The following ZZEF1 variants were observed in gnomAD, a reference collection of about 807,000 sequenced individuals.
The protein encoded by ZZEF1 is zinc finger ZZ-type and EF-hand domain-containing protein 1.
In ZZEF1, 157 loss-of-function variants were observed where a neutral mutation model predicts 342.8. The ratio of observed to expected loss-of-function variants is 0.46; its 90% CI spans 0.40 to 0.52. ZZEF1 has a LOEUF of 0.52. ZZEF1 is among the 20% of genes least tolerant of loss of function. ZZEF1 has a pLI of 0.00. For missense variants in ZZEF1, 3,480 were observed against 3,725.6 expected, an observed-to-expected ratio of 0.93 and a Z score of 1.72; for synonymous variants, 1,505 against 1,429.1, an observed-to-expected ratio of 1.05 and a Z score of -1.20.
chr17:4,032,013 C>A, intron 42 of ZZEF1, 113 bp downstream of exon 42: 1 of 1,192,892 alleles, frequency 8.4e-7, no homozygotes, highest in Non-Finnish European at 1.2e-6. Flanking sequence ...ATAACTTGTT[C>A]TTTAAAAAAA....
intron 1 of ZZEF1, among the ~76,000 whole-genome samples, chr17:4,137,063 T>C (rs1451165487): frequency 1.3e-5 from 2 of 151,726 alleles, no homozygotes; most frequent in Non-Finnish European, 2.9e-5. Context: ...TAAAGAGCAC[T>C]GGGAGACAAG....
chr17:4,107,880 G>A (rs1412837298), intron 6 of ZZEF1, among the ~76,000 whole-genome samples: 1 of 152,148 alleles, frequency 6.6e-6, no homozygotes, highest in African/African-American at 2.4e-5. Flanking sequence ...CTAATGCAGG[G>A]AACATTCAAG....
chr17:4,064,338 C>A, intron 29 of ZZEF1, 23 bp downstream of exon 29: 3 of 1,541,314 alleles, frequency 1.9e-6, no homozygotes, highest in South Asian at 1.2e-5. Flanking sequence ...GAGAAAGCGA[C>A]AGGAAGGTAA....
rs1392698376 is a variant in ZZEF1, at chr17:4,086,586, C to T, written c.2412G>A (p.Leu804=). ...CAGAAGCAGCCAGTACATCTCCCTG[C>T]AGCACAGAGAAGCAGCTCTGGAGTA... ...LQLLQSCFSV[L]QGDVLAASEE... The change falls in exon 15 of 55, where the codon CTG becomes CTA. Residue 804 remains leucine, a synonymous_variant. Coordinates refer to ENST00000381638, the MANE Select transcript of ZZEF1 (RefSeq NM_015113.4). 1.2e-6 allele frequency: 2 copies of T among 1,614,106 alleles called. No individual in the cohort carries two copies. Among genetic ancestry groups the T allele is most frequent in the African/African-American group, 1.3e-5 (1 of 74,936 alleles).
At chr17:4,057,956 T>C (rs1292951494) in intron 32 of ZZEF1, 38 bp downstream of exon 32, 1 of 1,595,570 alleles carries the variant, frequency 6.3e-7, no homozygotes, top group African/African-American at 1.3e-5. Flanking sequence ...TTTCATAACC[T>C]ACATTAGGAA....
intron 39 of ZZEF1, among the ~76,000 whole-genome samples, chr17:4,040,124 G>A (rs2056772394): frequency 6.6e-6 from 1 of 152,180 alleles, no homozygotes; most frequent in Non-Finnish European, 1.5e-5. Context: ...GATGGTGGAA[G>A]ACTATGCAGC....
intron 1 of ZZEF1, among the ~76,000 whole-genome samples, chr17:4,125,465 C>T (rs2058558934): frequency 6.6e-6 from 1 of 152,106 alleles, no homozygotes; most frequent in South Asian, 2.1e-4. Flanking sequence ...TATTTGAGTC[C>T]AAAAACCATG....
intron 14 of ZZEF1, 101 bp from the exon 15 acceptor site, chr17:4,086,756 C>G: frequency 8.3e-7 from 1 of 1,208,208 alleles, no homozygotes; most frequent in African/African-American, 1.5e-5. Flanking sequence ...AGGCATCAGG[C>G]TCGATGAAAA....
intron 16 of ZZEF1, among the ~76,000 whole-genome samples, chr17:4,082,820 G>A (rs2057749176): frequency 6.6e-6 from 1 of 152,112 alleles, no homozygotes; most frequent in Non-Finnish European, 1.5e-5. Context: ...TTGTTGCCTG[G>A]GCTGGAGTGC....
intron 29 of ZZEF1, among the ~76,000 whole-genome samples, chr17:4,064,146 G>C (rs1014468636): frequency 2.6e-5 from 4 of 151,140 alleles, no homozygotes; most frequent in African/African-American, 9.8e-5. Flanking sequence ...CTCCCAAACT[G>C]CTGAGATTAT....
At chr17:4,018,991 T>C (rs755225070) in intron 46 of ZZEF1, among the ~76,000 whole-genome samples, 9 of 150,612 alleles carry the variant, frequency 6.0e-5, no homozygotes, top group Non-Finnish European at 8.8e-5. Context: ...TGGACTGTTA[T>C]GTGAGAGAAA....
intron 2 of ZZEF1, among the ~76,000 whole-genome samples, chr17:4,117,648 CAAAAAAAAAAA>C (rs61155656): frequency 1.1e-5 from 1 of 89,050 alleles, no homozygotes; most frequent in African/African-American, 4.9e-5. Flanking sequence ...AACTCCACCT[CAAAAAAAAAAA>C]AAAAAAAAAG....
In ZZEF1 at chr17:4,090,712, T is replaced by G; in HGVS notation, c.2025+7A>C. The G allele has an allele frequency of 6.2e-7, 1 of 1,612,410 alleles. No individual in the cohort carries two copies. Among genetic ancestry groups the G allele is most frequent in the Non-Finnish European group, 8.5e-7 (1 of 1,178,630 alleles). ...GGGGAGTGGGCAAACGACGCACTAA[T>G]GCTTACTTTGGCAACTCTGCACTGT... On this transcript the variant is annotated splice_region_variant and intron_variant, in intron 12 of 54. Transcript: ENST00000381638.
chr17:4,062,617 TGA>T, intron 30 of ZZEF1, 134 bp downstream of exon 30: 1 of 964,894 alleles, frequency 1.0e-6, no homozygotes. Context: ...TTCCTTGGAA[TGA>T]GAGAATGAAT....
In ZZEF1 at chr17:4,060,814, C is replaced by T. The variant is rs753016393; in HGVS notation, c.4884-1524G>A. On this transcript the variant is annotated intron_variant, in intron 30 of 54. Coordinates refer to ENST00000381638, the MANE Select transcript of ZZEF1 (RefSeq NM_015113.4). ...TATCTACCAGCCAACTTGTGGACACCGTGTGTCCTATTTCCTCACTACTAC... is the reference window on the plus strand; with the variant it reads ...TATCTACCAGCCAACTTGTGGACACTGTGTGTCCTATTTCCTCACTACTAC... Among the ~76,000 whole-genome samples the T allele has an allele frequency of 3.0e-4, 45 of 152,156 alleles. 1 individual carries two copies. Among genetic ancestry groups the T allele is most frequent in the Admixed American group, 5.2e-4 (8 of 15,278 alleles).
In ZZEF1 at chr17:4,062,626, G is replaced by C. The variant is rs553248173; in HGVS notation, c.4883+127C>G. 46 of 1,105,826 alleles carry C rather than the reference G, an allele frequency of 4.2e-5. No homozygotes were observed. The African/African-American group carries it at 5.4e-4, about 13-fold the overall frequency. 68.5% of individuals were successfully genotyped at this position (1,105,826 alleles called of 1,614,324 possible). On this transcript the variant is annotated intron_variant, in intron 30 of 54. Transcript: ENST00000381638. ...CCATCTTTCCTTGGAATGAGAGAAT[G>C]AATTAACCAAAAACGTACATTTGTA...
chr17:4,028,167 A>G (rs1294404108), intron 42 of ZZEF1, among the ~76,000 whole-genome samples: 1 of 152,192 alleles, frequency 6.6e-6, no homozygotes, highest in Non-Finnish European at 1.5e-5. Flanking sequence ...GAACATTACA[A>G]CATTTTCCAC....
chr17:4,043,418 T>C (rs1229656756), intron 38 of ZZEF1, among the ~76,000 whole-genome samples: 1 of 152,190 alleles, frequency 6.6e-6, no homozygotes, highest in Non-Finnish European at 1.5e-5. Flanking sequence ...ACTGCATAGA[T>C]AAGCATCAGA....
At chr17:4,059,361 CTTACATGA>C in intron 30 of ZZEF1, 71 bp from the exon 31 acceptor site, 1 of 1,548,592 alleles carries the variant, frequency 6.5e-7, no homozygotes, top group Non-Finnish European at 8.6e-7. Flanking sequence ...ATAATGATTT[CTTACATGA>C]AAAAGAGCAA....
Sources: allele counts gnomAD v4.1 joint callset (sites outside exome capture counted in the v4.1 genomes callset), GRCh38; gene constraint gnomAD v4.1.1; transcripts MANE v1.5; gene names NCBI Gene and HGNC (gene_info 2026-07-23, HGNC 2026-07-21).